The following NPEPPS variants were observed in gnomAD, a reference collection of about 807,000 sequenced individuals.
NPEPPS encodes the protein aminopeptidase puromycin sensitive, also known as puromycin-sensitive aminopeptidase.
A neutral mutation model predicts 115.5 loss-of-function variants in NPEPPS; 14 were observed. That is an observed-to-expected ratio of 0.12 (90% CI 0.08 to 0.19). The LOEUF is 0.19. Ranked by LOEUF, NPEPPS falls within the 10% of genes least tolerant of loss-of-function variation. NPEPPS has a pLI of 1.00. For missense variants in NPEPPS, 523 were observed against 1,110.8 expected (o/e 0.47, Z 7.52); for synonymous variants, 285 against 390.6 (o/e 0.73, Z 3.19).
chr17:47,585,349 A>G, intron 5 of NPEPPS, 151 bp from the exon 6 acceptor site: 1 of 606,432 alleles, frequency 1.6e-6, no homozygotes. Context: ...AGACAGCATA[A>G]AAGCACTGGA....
Position 47,612,591 on chromosome 17 carries a change from C to G in NPEPPS, c.2227C>G (p.Leu743Val). 6 of 1,613,212 alleles carry G rather than the reference C, an allele frequency of 3.7e-6. No individual in the cohort carries two copies. The highest frequency in any genetic ancestry group is 5.1e-6 in the Non-Finnish European group (6 of 1,179,640). Residue 743 changes from leucine to valine, a missense_variant, in exon 18 of 23, where the codon CTG becomes GTG. By Grantham distance (32) the Leu-to-Val change is conservative. This residue lies in a region of NPEPPS where 372 missense variants were observed against 542.6 expected (regional missense o/e 0.69). Transcript: ENST00000322157. ...AGGAAAACAGATTCTCTCCGCTGAT[C>G]TGAGGAGTCCTGTAGGTTTTCATCA... ...VEGKQILSAD[L>V]RSPVYLTVLK...
chr17:47,528,254 A>G (rs1335341571), upstream of NPEPPS, among the ~76,000 whole-genome samples: 10 of 152,166 alleles, frequency 6.6e-5, no homozygotes, highest in Non-Finnish European at 1.2e-4. Context: ...GTGAGCTTAG[A>G]TCACGCCACT....
In NPEPPS at chr17:47,613,654, T is replaced by C; in HGVS notation, c.2239-15T>C. The C allele has an allele frequency of 6.3e-7, 1 of 1,596,276 alleles. No individual in the cohort carries two copies. The highest frequency in any genetic ancestry group is 1.1e-5 in the South Asian group (1 of 90,382). On this transcript the variant is annotated splice_polypyrimidine_tract_variant and intron_variant, in intron 18 of 22. Coordinates refer to ENST00000322157, the MANE Select transcript of NPEPPS (RefSeq NM_006310.4). ...GGTACATTTAATCAAATGACTTATT[T>C]TTTGTCCCTTGTAGGTCTATCTGAC... is the stretch of plus-strand genomic sequence containing the variant.
intron 13 of NPEPPS, among the ~76,000 whole-genome samples, chr17:47,597,414 C>T (rs1489395221): frequency 6.6e-6 from 1 of 152,180 alleles, no homozygotes; most frequent in African/African-American, 2.4e-5. Flanking sequence ...TTGTGAGCTG[C>T]ATGGGGAATT....
intron 1 of NPEPPS, among the ~76,000 whole-genome samples, chr17:47,541,243 CTAGA>C (rs1908738742): frequency 6.6e-6 from 1 of 152,066 alleles, no homozygotes; most frequent in African/African-American, 2.4e-5. Flanking sequence ...GTGTGGTTGC[CTAGA>C]TAATGATTAA....
chr17:47,529,510 T>G (rs1371589405), upstream of NPEPPS, among the ~76,000 whole-genome samples: 1 of 149,694 alleles, frequency 6.7e-6, no homozygotes, highest in Non-Finnish European at 1.5e-5. Context: ...GTTCAAGCGA[T>G]TCTCCTGTCT....
rs188789341 is a variant in NPEPPS at position 47,532,978 on chromosome 17, C to G, written c.255+1423C>G. On this transcript the variant is annotated intron_variant, in intron 1 of 22. Coordinates refer to ENST00000322157, the MANE Select transcript of NPEPPS (RefSeq NM_006310.4). ...TTCTCTTCCTACTGCAGTCTGGGGT[C>G]GGGGGAAATCAGTAGGCTCCCACCT... Among the ~76,000 whole-genome samples the G allele has an allele frequency of 2.5e-3, 386 of 152,056 alleles. 1 individual carries two copies. The highest frequency in any genetic ancestry group is 9.0e-3 in the African/African-American group (374 of 41,470).
At chr17:47,579,984 C>T (rs1911777401) in intron 4 of NPEPPS, 1 of 152,306 alleles carries the variant, frequency 6.6e-6, no homozygotes, top group African/African-American at 2.4e-5. Flanking sequence ...TATATACACA[C>T]ACATATATAT....
intron 2 of NPEPPS, among the ~76,000 whole-genome samples, chr17:47,547,842 C>T (rs62073976): frequency 9.8e-4 from 149 of 152,070 alleles, no homozygotes; most frequent in Non-Finnish European, 1.8e-3. Context: ...CTGGCTAACT[C>T]GGCGAAACCC....
chr17:47,561,430 A>G (rs1346056054), intron 2 of NPEPPS, among the ~76,000 whole-genome samples: 5 of 151,642 alleles, frequency 3.3e-5, no homozygotes, highest in African/African-American at 1.2e-4. Flanking sequence ...AGTTTCTGTC[A>G]TAGAACACCC....
chr17:47,578,408 C>T (rs1911662128), intron 3 of NPEPPS, among the ~76,000 whole-genome samples: 1 of 151,782 alleles, frequency 6.6e-6, no homozygotes, highest in African/African-American at 2.4e-5. Flanking sequence ...TTAAAATGGT[C>T]AACTAAAAAG....
chr17:47,524,889 T>G (rs1296112706), intron 1 of NPEPPS, among the ~76,000 whole-genome samples: 1 of 150,194 alleles, frequency 6.7e-6, no homozygotes, highest in Non-Finnish European at 1.5e-5. Flanking sequence ...GTCATCCTCC[T>G]GCCTCAGTCT....
chr17:47,563,855 C>T (rs1254467914), intron 2 of NPEPPS, among the ~76,000 whole-genome samples: 1 of 152,112 alleles, frequency 6.6e-6, no homozygotes, highest in Admixed American at 6.6e-5. Context: ...CAGGCGTGAG[C>T]CACTGTTCCC....
intron 2 of NPEPPS, among the ~76,000 whole-genome samples, chr17:47,557,958 T>C (rs1360944220): frequency 6.8e-6 from 1 of 147,610 alleles, no homozygotes; most frequent in Non-Finnish European, 1.5e-5. Context: ...TTTTGTACAG[T>C]CTCTGTCACC....
At chr17:47,589,461 C>T (rs539887190) in intron 9 of NPEPPS, among the ~76,000 whole-genome samples, 1 of 152,218 alleles carries the variant, frequency 6.6e-6, no homozygotes, top group East Asian at 1.9e-4. Context: ...GATGGAGTCT[C>T]ACTATGTTGC....
rs1824736389 is a variant in NPEPPS at position 47,531,293 on chromosome 17, C to T, written c.-8C>T. The stretch of plus-strand genomic sequence containing the variant: ...CGCTCTCCTCCGGCGGTCGCCCGCG[C>T]TCGGTGGATGTGGCTGGCAGCTGCC... On this transcript the variant is annotated 5_prime_UTR_variant, in exon 1 of 23. Transcript: ENST00000322157. 1.3e-6 allele frequency: 2 copies of T among 1,483,286 alleles called. 1 individual carries two copies. The highest frequency in any genetic ancestry group is 2.5e-5 in the South Asian group (2 of 78,952). 91.9% of individuals were successfully genotyped at this position (1,483,286 alleles called of 1,614,324 possible).
chr17:47,527,480 A>G (rs1166924535), upstream of NPEPPS, among the ~76,000 whole-genome samples: 2 of 152,082 alleles, frequency 1.3e-5, no homozygotes, highest in Non-Finnish European at 2.9e-5. Flanking sequence ...GTGAAACTCC[A>G]TCTCAAAAAA....
intron 4 of NPEPPS, chr17:47,582,467 A>T (rs1911945767): frequency 1.3e-5 from 5 of 376,622 alleles, no homozygotes; most frequent in Non-Finnish European, 2.6e-5. Context: ...TAAATTTGAA[A>T]TGTTAAAATG....
intron 17 of NPEPPS, among the ~76,000 whole-genome samples, chr17:47,605,829 A>C (rs1192277010): frequency 6.6e-6 from 1 of 152,210 alleles, no homozygotes; most frequent in Non-Finnish European, 1.5e-5. Context: ...ATTTTTAGTC[A>C]AGAAAAGCTA....
Sources: allele counts gnomAD v4.1 joint callset (sites outside exome capture counted in the v4.1 genomes callset), GRCh38; gene constraint gnomAD v4.1.1; regional missense constraint gnomAD v4.1.1; transcripts MANE v1.5; gene names NCBI Gene and HGNC (gene_info 2026-07-23, HGNC 2026-07-21).